Variants in GAREM2 observed in about 807,000 individuals in gnomAD.
GAREM2 encodes GRB2-associated and regulator of MAPK protein 2.
A neutral mutation model predicts 55.6 loss-of-function variants in GAREM2; 30 were observed. The observed-to-expected ratio is 0.54, with a 90% CI of 0.40 to 0.73. The LOEUF (loss-of-function observed/expected upper bound fraction) is 0.73, where lower values mean the gene tolerates loss of function less well. Ranked by LOEUF, GAREM2 falls within the 30% of genes least tolerant of loss-of-function variation. GAREM2 has a pLI of 0.00. For synonymous variants in GAREM2, 550 were observed against 569.1 expected (o/e 0.97, Z 0.48); for missense variants, 1,075 against 1,257.7 (o/e 0.85, Z 2.20).
rs757179170 is a variant in GAREM2, at chr2:26,187,672, C to G, written c.2040C>G (p.Pro680=). The change falls in exon 6 of 6, where the codon CCC becomes CCG. Residue 680 remains proline (P), a synonymous_variant. Coordinates refer to ENST00000401533, the MANE Select transcript of GAREM2 (RefSeq NM_001168241.2). The part of the protein sequence containing the change: ...SPGQAYSAAP[P]SSCAPSSSSS... ...GCCAGGCCTATTCAGCTGCTCCCCCCTCCTCCTGCGCCCCCTCCTCCTCCT... is the reference window on the plus strand; with the variant it reads ...GCCAGGCCTATTCAGCTGCTCCCCCGTCCTCCTGCGCCCCCTCCTCCTCCT... 6.6e-7 allele frequency: 1 copy of G among 1,518,394 alleles called. No individual in the cohort carries two copies. Among genetic ancestry groups the G allele is most frequent in the Admixed American group, 2.2e-5 (1 of 45,058 alleles). The allele number at this position is 1,518,394 out of a possible 1,614,324, so 94.1% of individuals were successfully genotyped here.
At chr2:26,201,331 C>A in the GAREM2 span, 9 of 1,582,762 alleles carry the variant, frequency 5.7e-6, no homozygotes, top group South Asian at 2.2e-5. Context: ...CTAGAAAAAA[C>A]ACATTCCTAG....
chr2:26,185,043 C>G lies in GAREM2; in HGVS notation c.1195C>G (p.Pro399Ala), dbSNP rs1412619039. 8.3e-6 allele frequency: 10 copies of G among 1,203,442 alleles called. No homozygotes were observed. The highest frequency in any genetic ancestry group is 9.1e-5 in the Admixed American group (2 of 21,976). The allele number at this position is 1,203,442 out of a possible 1,614,324, so 74.5% of individuals were successfully genotyped here. ...CGCCCGCGCCCCCGGCCCGCTAGCGCCGGCTCCCGCCGGCGAGGGCGACCA... is the reference window on the plus strand; with the variant it reads ...CGCCCGCGCCCCCGGCCCGCTAGCGGCGGCTCCCGCCGGCGAGGGCGACCA... ...GLARAPGPLA[P>A]APAGEGDQEY... The change falls in exon 4 of 6, where the codon CCG becomes GCG. Residue 399 changes from proline to alanine, a missense_variant. Pro to Ala is a conservative substitution (Grantham distance 27). This residue lies in a region of GAREM2 where 515 missense variants were observed against 501.5 expected (regional missense o/e 1.03). Transcript: ENST00000401533.
At chr2:26,191,708 C>T (rs371979389), downstream of GAREM2, 105 of 1,444,524 alleles carry the variant, frequency 7.3e-5, no homozygotes, top group African/African-American at 7.5e-4. Context: ...GAATGGAAGT[C>T]GGGATGGGTG....
chr2:26,190,457 G>A (rs575620808), downstream of GAREM2, among the ~76,000 whole-genome samples: 5 of 152,258 alleles, frequency 3.3e-5, no homozygotes, highest in African/African-American at 9.6e-5. Flanking sequence ...TGCTGCTCCC[G>A]TGCTGCCTGA....
the GAREM2 span, among the ~76,000 whole-genome samples, chr2:26,196,934 C>G: frequency 6.6e-6 from 1 of 152,206 alleles, no homozygotes; most frequent in Non-Finnish European, 1.5e-5. Flanking sequence ...CCCCGCATCA[C>G]TTCTAATCTG....
chr2:26,194,376 A>G (rs553760677), downstream of GAREM2, among the ~76,000 whole-genome samples: 2 of 152,244 alleles, frequency 1.3e-5, no homozygotes, highest in East Asian at 1.9e-4. Context: ...GGCAGAGGGA[A>G]AGCTCTGCCC....
intron 2 of GAREM2, chr2:26,180,980 C>T: frequency 1.0e-6 from 1 of 985,544 alleles, no homozygotes; most frequent in African/African-American, 1.7e-5. Flanking sequence ...CTTCCTTCCC[C>T]ACCTCCCCCT....
At chr2:26,201,929 G>C in the GAREM2 span, among the ~76,000 whole-genome samples, 1 of 151,196 alleles carries the variant, frequency 6.6e-6, no homozygotes, top group Admixed American at 6.6e-5. Context: ...TGAGTAGCTG[G>C]GATTACAGGC....
chr2:26,194,391 C>T (rs954530846), downstream of GAREM2, among the ~76,000 whole-genome samples: 3 of 152,144 alleles, frequency 2.0e-5, no homozygotes, highest in Non-Finnish European at 4.4e-5. Context: ...CTGCCCCTTT[C>T]AGTGCAGTAT....
At chr2:26,194,576 G>T (rs372266559), downstream of GAREM2, 9 of 1,601,650 alleles carry the variant, frequency 5.6e-6, no homozygotes, top group African/African-American at 5.4e-5. Context: ...CAACCTGGAG[G>T]ATTCGGATGA....
Position 26,184,768 on chromosome 2 carries a change from G to A in GAREM2, c.920G>A (p.Arg307His). 6.7e-7 allele frequency: 1 copy of A among 1,495,352 alleles called. No individual in the cohort carries two copies. Among genetic ancestry groups the A allele is most frequent in the East Asian group, 2.8e-5 (1 of 35,348 alleles). 92.6% of individuals were successfully genotyped at this position (1,495,352 alleles called of 1,614,324 possible). ...KTVVLGLALR[R>H]EGPAPLHFLL... Reference sequence around the variant, plus strand: ...GTGGTGCTGGGGCTGGCGCTGCGCCGCGAGGGCCCGGCGCCGCTGCACTTC... The same window carrying A: ...GTGGTGCTGGGGCTGGCGCTGCGCCACGAGGGCCCGGCGCCGCTGCACTTC... Residue 307 changes from arginine to histidine, a missense_variant, in exon 4 of 6, where the codon CGC becomes CAC. Arg to His is a conservative substitution (Grantham distance 29). Coordinates refer to ENST00000401533, the MANE Select transcript of GAREM2 (RefSeq NM_001168241.2).
rs1669394987 is a variant in GAREM2 at position 26,188,962 on chromosome 2, A to G, written c.*705A>G. The G allele has an allele frequency of 6.6e-6, 1 of 152,262 alleles. No individual in the cohort carries two copies. The highest frequency in any genetic ancestry group is 1.5e-5 in the Non-Finnish European group (1 of 68,072). The allele number at this position is 152,262 out of a possible 1,614,324, so 9.4% of individuals were successfully genotyped here. On this transcript the variant is annotated 3_prime_UTR_variant, in exon 6 of 6. Coordinates refer to ENST00000401533, the MANE Select transcript of GAREM2 (RefSeq NM_001168241.2). ...CACTTATCTAGTTAGGAAGCCAGACACTGCCCAGATGACTCTAGCACCCTG... is the reference window on the plus strand; with the variant it reads ...CACTTATCTAGTTAGGAAGCCAGACGCTGCCCAGATGACTCTAGCACCCTG...
At chr2:26,194,340 T>C (rs1459386786), downstream of GAREM2, among the ~76,000 whole-genome samples, 12 of 152,108 alleles carry the variant, frequency 7.9e-5, no homozygotes, top group Non-Finnish European at 1.8e-4. Flanking sequence ...TGCCTTTAGC[T>C]TGCTGGAACA....
At chr2:26,197,211 A>G in the GAREM2 span, among the ~76,000 whole-genome samples, 1 of 152,292 alleles carries the variant, frequency 6.6e-6, no homozygotes, top group East Asian at 1.9e-4. Flanking sequence ...TCTGGGCATC[A>G]TTCCAAATAC....
chr2:26,204,224 G>A, the GAREM2 span: 33 of 1,609,442 alleles, frequency 2.1e-5, no homozygotes, highest in Middle Eastern at 5.0e-4. Context: ...AATGACTTTC[G>A]GTAAACTGAT....
chr2:26,200,730 A>AT, the GAREM2 span, among the ~76,000 whole-genome samples: 1 of 114,588 alleles, frequency 8.7e-6, no homozygotes, highest in Non-Finnish European at 1.7e-5. Context: ...TTGATAACAA[A>AT]AAGTCTTTTT....
At chr2:26,177,874 G>A (rs992625436) in intron 2 of GAREM2, among the ~76,000 whole-genome samples, 8 of 152,164 alleles carry the variant, frequency 5.3e-5, no homozygotes, top group South Asian at 2.1e-4. Context: ...TGATCCGGCC[G>A]CCTTGGCCTC....
Position 26,184,670 on chromosome 2 carries a change from G to T in GAREM2, c.822G>T (p.Pro274=). The T allele has an allele frequency of 6.5e-7, 1 of 1,543,828 alleles. No homozygotes were observed. The highest frequency in any genetic ancestry group is 1.2e-5 in the South Asian group (1 of 83,548). ...PVNVLVPSRP[P]RNPYDLHPVR... ...ACGTGCTGGTGCCCAGCCGGCCGCC[G>T]CGCAACCCCTACGACCTGCACCCGG... The change falls in exon 4 of 6, where the codon CCG becomes CCT. Residue 274 remains proline (P), a synonymous_variant. Coordinates refer to ENST00000401533, the MANE Select transcript of GAREM2 (RefSeq NM_001168241.2).
the GAREM2 span, chr2:26,194,957 C>G: frequency 4.7e-6 from 4 of 850,930 alleles, no homozygotes; most frequent in African/African-American, 6.6e-5. Flanking sequence ...ACCGTCCATC[C>G]TGGAGACAAC....
Sources: allele counts gnomAD v4.1 joint callset (sites outside exome capture counted in the v4.1 genomes callset), GRCh38; gene constraint gnomAD v4.1.1; regional missense constraint gnomAD v4.1.1; transcripts MANE v1.5; gene names NCBI Gene and HGNC (gene_info 2026-07-23, HGNC 2026-07-21).